The following SYTL2 variants were observed in gnomAD, a reference collection of about 807,000 sequenced individuals.
The protein encoded by SYTL2 is synaptotagmin-like protein 2.
SYTL2 carries 165 observed loss-of-function variants against 198.7 expected under a neutral mutation model. The ratio of observed to expected loss-of-function variants is 0.83; its 90% CI spans 0.73 to 0.94. The LOEUF (loss-of-function observed/expected upper bound fraction) is 0.94. SYTL2 is among the 40% of genes least tolerant of loss of function. The pLI, the probability that SYTL2 is intolerant of heterozygous loss-of-function variation, is 0.00. For synonymous variants in SYTL2, 966 were observed against 917.7 expected, an observed-to-expected ratio of 1.05 and a Z score of -0.95; for missense variants, 2,835 against 2,582.8, an observed-to-expected ratio of 1.10 and a Z score of -2.12.
chr11:85,819,877 T>C, the SYTL2 span, among the ~76,000 whole-genome samples: 5 of 152,232 alleles, frequency 3.3e-5, no homozygotes, highest in African/African-American at 4.8e-5. Context: ...TATATTTTGG[T>C]GTTCACTCTC....
the SYTL2 span, among the ~76,000 whole-genome samples, chr11:85,828,932 A>T: frequency 6.6e-6 from 1 of 152,190 alleles, no homozygotes; most frequent in Non-Finnish European, 1.5e-5. Flanking sequence ...TCTTCTGTGC[A>T]GTAGCTCTCA....
At chr11:85,713,574 C>T (rs1375732849) in intron 12 of SYTL2, among the ~76,000 whole-genome samples, 2 of 152,098 alleles carry the variant, frequency 1.3e-5, no homozygotes, top group East Asian at 3.9e-4. Flanking sequence ...TTAATTAAGT[C>T]AAAGGACCTG....
At chr11:85,696,850 A>G (rs556158517) in intron 18 of SYTL2, among the ~76,000 whole-genome samples, 2 of 152,352 alleles carry the variant, frequency 1.3e-5, no homozygotes, top group African/African-American at 4.8e-5. Flanking sequence ...GTGATAGCCT[A>G]AGACATTTGT....
intron 8 of SYTL2, among the ~76,000 whole-genome samples, chr11:85,721,913 T>C (rs2088368406): frequency 6.6e-6 from 1 of 152,144 alleles, no homozygotes; most frequent in African/African-American, 2.4e-5. Context: ...CCTTTAATTT[T>C]TCCCAAAGGA....
chr11:85,729,489 T>A (rs1322654949), intron 7 of SYTL2, among the ~76,000 whole-genome samples: 4 of 152,210 alleles, frequency 2.6e-5, no homozygotes, highest in Admixed American at 2.0e-4. Flanking sequence ...CCTGAGTGAC[T>A]ACTGGGTAAA....
intron 1 of SYTL2, among the ~76,000 whole-genome samples, chr11:85,794,054 G>C (rs2092768915): frequency 6.6e-6 from 1 of 152,024 alleles, no homozygotes; most frequent in South Asian, 2.1e-4. Flanking sequence ...TTTTCTTGTA[G>C]AGACAGGGTC....
intron 2 of SYTL2, among the ~76,000 whole-genome samples, chr11:85,757,269 A>C (rs2091918507): frequency 6.6e-6 from 1 of 152,122 alleles, no homozygotes; most frequent in Admixed American, 6.5e-5. Context: ...TTGGTTCATG[A>C]TTCAGTTAAA....
the SYTL2 span, among the ~76,000 whole-genome samples, chr11:85,833,100 AAGG>A: frequency 6.8e-5 from 3 of 43,842 alleles, no homozygotes; most frequent in African/African-American, 8.0e-5. Flanking sequence ...AGAAAGAAAG[AAGG>A]AAGGAAGGAA....
chr11:85,734,821 T>C, intron 6 of SYTL2, 79 bp from the exon 7 acceptor site: 1 of 1,042,170 alleles, frequency 9.6e-7, no homozygotes, highest in Non-Finnish European at 1.4e-6. Context: ...AAACTTAACC[T>C]ACACTTAGTG....
intron 8 of SYTL2, among the ~76,000 whole-genome samples, chr11:85,721,395 A>G (rs2153455179): frequency 6.6e-6 from 1 of 152,272 alleles, no homozygotes; most frequent in Admixed American, 6.5e-5. Context: ...ATAATTGGGT[A>G]CACATATGAG....
intron 6 of SYTL2, 121 bp from the exon 7 acceptor site, chr11:85,734,863 T>C (rs2090182204): frequency 1.2e-6 from 1 of 801,966 alleles, no homozygotes; most frequent in South Asian, 2.0e-5. Context: ...CAGTAAAGTA[T>C]GTGGCACAAC....
At chr11:85,762,378 C>G (rs951618402) in intron 1 of SYTL2, among the ~76,000 whole-genome samples, 1 of 152,178 alleles carries the variant, frequency 6.6e-6, no homozygotes, top group Admixed American at 6.5e-5. Context: ...GGAGGAACTC[C>G]TGGGGCAAGT....
chr11:85,815,915 G>A (rs1592111229), upstream of SYTL2, among the ~76,000 whole-genome samples: 1 of 152,276 alleles, frequency 6.6e-6, no homozygotes. Flanking sequence ...TGTAATCCCA[G>A]CACTTTGGGA....
At chr11:85,722,010 G>A (rs1166612408) in intron 8 of SYTL2, among the ~76,000 whole-genome samples, 1 of 151,724 alleles carries the variant, frequency 6.6e-6, no homozygotes, top group Non-Finnish European at 1.5e-5. Flanking sequence ...CCTTATAGTA[G>A]GTTTCTCTTC....
chr11:85,847,880 A>C, the SYTL2 span, among the ~76,000 whole-genome samples: 2 of 152,264 alleles, frequency 1.3e-5, no homozygotes, highest in African/African-American at 4.8e-5. Flanking sequence ...TGGCAGGTAT[A>C]TGTATTGCAA....
upstream of SYTL2, among the ~76,000 whole-genome samples, chr11:85,814,410 G>A (rs1450984410): frequency 6.6e-6 from 1 of 152,240 alleles, no homozygotes; most frequent in African/African-American, 2.4e-5. Flanking sequence ...AAAGGTTGGT[G>A]CTGGATCTGT....
chr11:85,705,121 C>T, intron 15 of SYTL2, 93 bp from the exon 16 acceptor site: 1 of 935,310 alleles, frequency 1.1e-6, no homozygotes, highest in South Asian at 2.1e-5. Flanking sequence ...CTGTATATAG[C>T]AAATTTTCTT....
the SYTL2 span, among the ~76,000 whole-genome samples, chr11:85,822,245 T>C: frequency 5.9e-5 from 9 of 152,264 alleles, no homozygotes; most frequent in African/African-American, 1.9e-4. Context: ...AGATCAATGA[T>C]CTCGGACTCC....
At chr11:85,717,367 G>T (rs979350494) in intron 11 of SYTL2, 116 bp downstream of exon 11, 15 of 811,220 alleles carry the variant, frequency 1.8e-5, no homozygotes, top group East Asian at 1.5e-4. Context: ...TTTGCAAGCT[G>T]CAGGAGTTTA....
Sources: allele counts gnomAD v4.1 joint callset (sites outside exome capture counted in the v4.1 genomes callset), GRCh38; gene constraint gnomAD v4.1.1; transcripts MANE v1.5; gene names NCBI Gene and HGNC (gene_info 2026-07-23, HGNC 2026-07-21).